The following PARP8 variants were observed in gnomAD, a reference collection of about 807,000 sequenced individuals.
PARP8 encodes poly(ADP-ribose) polymerase family member 8, also known as protein mono-ADP-ribosyltransferase PARP8.
PARP8 carries 51 observed loss-of-function variants against 124.1 expected under a neutral mutation model. The ratio of observed to expected loss-of-function variants is 0.41; its 90% CI spans 0.33 to 0.52. PARP8 has a LOEUF of 0.52. Among genes scored for constraint, PARP8 ranks in the 20% least tolerant of loss-of-function variants. PARP8 has a pLI of 0.21. For synonymous variants in PARP8, 391 were observed against 361.5 expected (o/e 1.08, Z -0.93); for missense variants, 860 against 1,018.9 (o/e 0.84, Z 2.12).
intron 9 of PARP8, among the ~76,000 whole-genome samples, chr5:50,780,326 T>C (rs1740528631): frequency 6.6e-6 from 1 of 152,206 alleles, no homozygotes; most frequent in South Asian, 2.1e-4. Context: ...AATTTGATTT[T>C]ATTTTAATGG....
intron 2 of PARP8, among the ~76,000 whole-genome samples, chr5:50,733,181 A>G (rs1448015041): frequency 1.3e-5 from 2 of 151,742 alleles, no homozygotes; most frequent in African/African-American, 2.4e-5. Context: ...TTGTGTGCCT[A>G]TAATCCCAGC....
chr5:50,812,520 A>G (rs1378036847), intron 14 of PARP8, among the ~76,000 whole-genome samples: 5 of 152,112 alleles, frequency 3.3e-5, no homozygotes, highest in African/African-American at 9.7e-5. Flanking sequence ...TAGATTGCAA[A>G]AATTTTCTCC....
In PARP8 at chr5:50,715,825, CCTT is replaced by C. The variant is rs1161836206; in HGVS notation, c.147-34322_147-34320del. ...ACAGTTATGTCCAGAGCTTCTGTCT[CCTT>C]CTTTTCAGTCTCAAGAATAATATAA... On this transcript the variant is annotated intron_variant, in intron 2 of 25. Coordinates refer to ENST00000281631, the MANE Select transcript of PARP8 (RefSeq NM_024615.4). Among the ~76,000 whole-genome samples the C allele has an allele frequency of 3.3e-5, 5 of 151,986 alleles. No homozygotes were observed. The East Asian group carries it at 5.8e-4, about 18-fold the overall frequency.
chr5:50,733,293 A>G (rs1757163627), intron 2 of PARP8, among the ~76,000 whole-genome samples: 1 of 151,958 alleles, frequency 6.6e-6, no homozygotes, highest in Non-Finnish European at 1.5e-5. Flanking sequence ...CAAAAAAACA[A>G]AAAAACCAAA....
intron 7 of PARP8, among the ~76,000 whole-genome samples, chr5:50,767,851 A>G (rs1761207954): frequency 6.6e-6 from 1 of 152,250 alleles, no homozygotes; most frequent in Non-Finnish European, 1.5e-5. Flanking sequence ...GTTGAGTTTC[A>G]GATGACATGG....
intron 25 of PARP8, among the ~76,000 whole-genome samples, chr5:50,841,184 T>G (rs1477677917): frequency 6.6e-6 from 1 of 151,894 alleles, no homozygotes; most frequent in Non-Finnish European, 1.5e-5. Flanking sequence ...AAGCCATTTT[T>G]ATGAAGTAAA....
chr5:50,667,401 C>CA (rs948335988), intron 1 of PARP8, among the ~76,000 whole-genome samples: 27 of 152,304 alleles, frequency 1.8e-4, no homozygotes, highest in African/African-American at 6.5e-4. Flanking sequence ...AGGCAGCCAC[C>CA]AGCTTTGAGG....
At chr5:50,732,639 G>C (rs1757083975) in intron 2 of PARP8, among the ~76,000 whole-genome samples, 1 of 150,974 alleles carries the variant, frequency 6.6e-6, no homozygotes, top group African/African-American at 2.4e-5. Flanking sequence ...TTTTTTTTGA[G>C]ATGGAGTCTC....
intron 22 of PARP8, among the ~76,000 whole-genome samples, chr5:50,830,434 G>A (rs1328741440): frequency 6.6e-6 from 1 of 152,098 alleles, no homozygotes; most frequent in Non-Finnish European, 1.5e-5. Context: ...GTGAGATTGT[G>A]GGAAAAAATA....
Position 50,667,158 on chromosome 5 carries a change from C to T in PARP8, c.63C>T (p.Ser21=). 6.3e-7 allele frequency: 1 copy of T among 1,596,372 alleles called. No individual in the cohort carries two copies. Among genetic ancestry groups the T allele is most frequent in the South Asian group, 1.1e-5 (1 of 90,982 alleles). ...QKDIDVVIQK[S]RAEKDCLFAD... ...ATATCGACGTCGTGATCCAGAAGTC[C>T]AGAGCTGAGAAGGACTGCCTGTTTG... The change falls in exon 1 of 26, where the codon TCC becomes TCT. Residue 21 remains serine (S), a synonymous_variant. Coordinates refer to ENST00000281631, the MANE Select transcript of PARP8 (RefSeq NM_024615.4).
Position 50,683,262 on chromosome 5 carries a change from G to A in PARP8, c.146+15137G>A, listed in dbSNP as rs181954191. 3.3e-5 allele frequency among the ~76,000 whole-genome samples: 5 copies of A among 152,268 alleles called. No individual in the cohort carries two copies. The East Asian group carries it at 9.6e-4, about 29-fold the overall frequency. On this transcript the variant is annotated intron_variant, in intron 2 of 25. Coordinates refer to ENST00000281631, the MANE Select transcript of PARP8 (RefSeq NM_024615.4). Reference sequence around the variant, plus strand: ...TTTGTAGATTCCATCAATATTCAGAGTAATGTAAATACATTTTCCCTTTGG... The same window carrying A: ...TTTGTAGATTCCATCAATATTCAGAATAATGTAAATACATTTTCCCTTTGG...
At position 50,795,042 on chromosome 5, in the gene PARP8, G is replaced by A. The variant is rs1325085002; in HGVS notation, c.1053G>A (p.Glu351=). ...CCTTGTCCAGCGATCCCAGGGCGGA[G>A]CAGGCTATGACAGCAATTAAATCGC... ...GRSLSSDPRA[E]QAMTAIKSHK... Residue 351 remains glutamate, a synonymous_variant, in exon 12 of 26, where the codon GAG becomes GAA. Coordinates refer to ENST00000281631, the MANE Select transcript of PARP8 (RefSeq NM_024615.4). 3.1e-6 allele frequency: 5 copies of A among 1,614,090 alleles called. No individual in the cohort carries two copies. Among genetic ancestry groups the A allele is most frequent in the East Asian group, 4.5e-5 (2 of 44,886 alleles).
At chr5:50,696,379 G>T (rs1350479881) in intron 2 of PARP8, among the ~76,000 whole-genome samples, 2 of 152,156 alleles carry the variant, frequency 1.3e-5, no homozygotes, top group East Asian at 1.9e-4. Context: ...GCCACCCAAG[G>T]TACCATAGTT....
At chr5:50,838,715 T>C (rs1309076394) in intron 25 of PARP8, among the ~76,000 whole-genome samples, 1 of 150,072 alleles carries the variant, frequency 6.7e-6, no homozygotes, top group Admixed American at 6.7e-5. Flanking sequence ...CGCTTCTACC[T>C]TACTTCAGTT....
chr5:50,732,977 A>T (rs1347977275), intron 2 of PARP8, among the ~76,000 whole-genome samples: 33 of 150,754 alleles, frequency 2.2e-4, no homozygotes, highest in Non-Finnish European at 3.8e-4. Flanking sequence ...GTGCTTTTTT[A>T]TTTCTCATCT....
chr5:50,776,363 T>A (rs1464743016), intron 7 of PARP8, among the ~76,000 whole-genome samples: 2 of 152,222 alleles, frequency 1.3e-5, no homozygotes, highest in African/African-American at 4.8e-5. Flanking sequence ...TGTTGTTGTT[T>A]CCTTGTCTGG....
In PARP8 at chr5:50,843,606, A is replaced by G. The variant is rs1479683458; in HGVS notation, c.*1538A>G. On this transcript the variant is annotated 3_prime_UTR_variant, in exon 26 of 26. Coordinates refer to ENST00000281631, the MANE Select transcript of PARP8 (RefSeq NM_024615.4). ...TTGGGATATTAATCATTTTGATAGT[A>G]TCTACTTAAAGCATTGATCTGTTTT... The G allele has an allele frequency of 6.6e-6, 1 of 151,748 alleles. No individual in the cohort carries two copies. The highest frequency in any genetic ancestry group is 6.6e-5 in the Admixed American group (1 of 15,166). 9.4% of individuals were successfully genotyped at this position (151,748 alleles called of 1,614,324 possible).
intron 18 of PARP8, among the ~76,000 whole-genome samples, chr5:50,825,985 T>G (rs1746305576): frequency 6.6e-6 from 1 of 152,184 alleles, no homozygotes; most frequent in African/African-American, 2.4e-5. Flanking sequence ...TACTAAATTC[T>G]GAAACAATTA....
chr5:50,772,679 C>CTTTTAT (rs370907172), intron 7 of PARP8, among the ~76,000 whole-genome samples: 1,919 of 151,602 alleles, frequency 0.013, 39 homozygotes, highest in African/African-American at 0.036. Context: ...GGTCTTTTGC[C>CTTTTAT]TTTTATTTTT....
Sources: allele counts gnomAD v4.1 joint callset (sites outside exome capture counted in the v4.1 genomes callset), GRCh38; gene constraint gnomAD v4.1.1; transcripts MANE v1.5; gene names NCBI Gene and HGNC (gene_info 2026-07-23, HGNC 2026-07-21).